The following TRIP11 variants were observed in gnomAD, a reference collection of about 807,000 sequenced individuals.
TRIP11 encodes thyroid hormone receptor interactor 11.
TRIP11 carries 148 observed loss-of-function variants against 223.1 expected under a neutral mutation model. The observed-to-expected ratio is 0.66, with a 90% CI of 0.58 to 0.76. The LOEUF (loss-of-function observed/expected upper bound fraction) is 0.76. Among genes scored for constraint, TRIP11 ranks in the 30% least tolerant of loss-of-function variants. The pLI, the probability that TRIP11 is intolerant of heterozygous loss-of-function variation, is 0.00. For synonymous variants in TRIP11, 762 were observed against 772.6 expected (o/e 0.99, Z 0.23); for missense variants, 2,043 against 2,222.0 (o/e 0.92, Z 1.62).
At chr14:91,992,775 GGC>G in intron 15 of TRIP11, among the ~76,000 whole-genome samples, 1 of 151,784 alleles carries the variant, frequency 6.6e-6, no homozygotes, top group Non-Finnish European at 1.5e-5. Flanking sequence ...CGGGTGTGGT[GGC>G]GGGCACCTGT....
rs757263242 is a variant in TRIP11 at position 92,003,768 on chromosome 14, T to C, written c.4208A>G (p.Asp1403Gly). The C allele has an allele frequency of 6.2e-7, 1 of 1,614,200 alleles. No individual in the cohort carries two copies. Among genetic ancestry groups the C allele is most frequent in the Non-Finnish European group, 8.5e-7 (1 of 1,180,036 alleles). Residue 1403 changes from aspartate (D) to glycine (G), a missense_variant, in exon 11 of 21, where the codon GAT becomes GGT. Coordinates refer to ENST00000267622, the MANE Select transcript of TRIP11 (RefSeq NM_004239.4). Reference sequence around the variant, plus strand: ...TTCCTTAAGTAACTTTTGCAAAACATCTTGTTTCTCCTTTAGCTGCTTGAT... The same window carrying C: ...TTCCTTAAGTAACTTTTGCAAAACACCTTGTTTCTCCTTTAGCTGCTTGAT... ...SEIKQLKEKQ[D>G]VLQKLLKEKD... is the part of the protein sequence containing the mutation.
Position 92,003,908 on chromosome 14 carries a change from T to C in TRIP11, c.4068A>G (p.Leu1356=). The part of the protein sequence containing the change: ...QQELEELRKS[L]QEKDATIRTL... The stretch of plus-strand genomic sequence containing the variant: ...TTCTAATTGTTGCATCTTTTTCCTG[T>C]AGTGATTTTCTTAGCTCTTCTAACT... The change falls in exon 11 of 21, where the codon CTA becomes CTG. Residue 1356 remains leucine (L), a synonymous_variant. Coordinates refer to ENST00000267622, the MANE Select transcript of TRIP11 (RefSeq NM_004239.4). 1 of 1,614,122 alleles carries C rather than the reference T, an allele frequency of 6.2e-7. No individual in the cohort carries two copies. The highest frequency in any genetic ancestry group is 8.5e-7 in the Non-Finnish European group (1 of 1,180,040).
intron 5 of TRIP11, 68 bp from the exon 6 acceptor site, chr14:92,015,929 T>A: frequency 7.0e-7 from 1 of 1,424,024 alleles, no homozygotes; most frequent in African/African-American, 1.4e-5. Context: ...TATATTTAAC[T>A]GTTGTCCAAA....
At chr14:92,038,657 A>G (rs925844755) in intron 1 of TRIP11, among the ~76,000 whole-genome samples, 2 of 152,180 alleles carry the variant, frequency 1.3e-5, no homozygotes, top group African/African-American at 4.8e-5. Context: ...CAGAATACTA[A>G]TTTATTAAAT....
chr14:91,994,591 G>A (rs1334345740), intron 14 of TRIP11, among the ~76,000 whole-genome samples: 3 of 152,178 alleles, frequency 2.0e-5, no homozygotes, highest in Admixed American at 2.0e-4. Flanking sequence ...AAGTAACACA[G>A]AGGTACAAAT....
In TRIP11 at chr14:91,975,287, C is replaced by G. The variant is rs754936373; in HGVS notation, c.5343-1G>C. On this transcript the variant is annotated splice_acceptor_variant, in intron 17 of 20. Coordinates refer to ENST00000267622, the MANE Select transcript of TRIP11 (RefSeq NM_004239.4). LOFTEE classifies it high-confidence loss of function. ...AATGAAGAGGTTTCTCATTAGGACT[C>G]TATGAAAATAAAGGCAGAAACAGCT... 2 of 1,611,204 alleles carry G rather than the reference C, an allele frequency of 1.2e-6. No individual in the cohort carries two copies. The highest frequency in any genetic ancestry group is 1.7e-6 in the Non-Finnish European group (2 of 1,177,904).
Position 91,972,878 on chromosome 14 carries a change from T to A in TRIP11, c.5575-17A>T, listed in dbSNP as rs1299083011. Reference sequence around the variant, plus strand: ...TGAAAAAGACTAAGAAAAAATATTTTGGTTATATTAGGCTAGATAATTAAG... The same window carrying A: ...TGAAAAAGACTAAGAAAAAATATTTAGGTTATATTAGGCTAGATAATTAAG... On this transcript the variant is annotated splice_polypyrimidine_tract_variant and intron_variant, in intron 19 of 20. Transcript: ENST00000267622. 6.2e-7 allele frequency: 1 copy of A among 1,600,778 alleles called. No individual in the cohort carries two copies.
chr14:91,993,939 G>C (rs1383631326), intron 14 of TRIP11, 27 bp from the exon 15 acceptor site: 1 of 1,556,918 alleles, frequency 6.4e-7, no homozygotes, highest in Non-Finnish European at 8.8e-7. Context: ...GTTAACATTA[G>C]TATTTTGCAA....
At chr14:91,982,477 G>C (rs75895979) in intron 16 of TRIP11, among the ~76,000 whole-genome samples, 3,038 of 152,078 alleles carry the variant, frequency 0.02, 113 homozygotes, top group African/African-American at 0.071. Flanking sequence ...AAGGGAGAGG[G>C]GGAGAAGGGC....
At chr14:92,012,866 A>G (rs1444321944) in intron 7 of TRIP11, among the ~76,000 whole-genome samples, 1 of 152,224 alleles carries the variant, frequency 6.6e-6, no homozygotes, top group African/African-American at 2.4e-5. Context: ...AGGCAGCTAT[A>G]AAGTACTAAA....
At chr14:92,020,411 A>G (rs1026534612) in intron 4 of TRIP11, among the ~76,000 whole-genome samples, 2 of 152,172 alleles carry the variant, frequency 1.3e-5, no homozygotes, top group East Asian at 1.9e-4. Flanking sequence ...AGCCCCAAAT[A>G]GCAAAATATT....
intron 15 of TRIP11, among the ~76,000 whole-genome samples, chr14:91,992,747 A>G (rs2056691281): frequency 6.6e-6 from 1 of 151,738 alleles, no homozygotes; most frequent in Admixed American, 6.6e-5. Flanking sequence ...GTCTCTACTA[A>G]AAATACAAAA....
Position 92,039,618 on chromosome 14 carries a change from A to T in TRIP11, c.68T>A (p.Leu23Gln), listed in dbSNP as rs747327807. The T allele has an allele frequency of 1.2e-6, 2 of 1,613,180 alleles. No homozygotes were observed. The highest frequency in any genetic ancestry group is 1.6e-4 in the Middle Eastern group (1 of 6,062). ...GQSLGQVGGS[L>Q]ASLTGQISNF... The stretch of plus-strand genomic sequence containing the variant: ...TGATATCTGGCCAGTGAGGGAAGCC[A>T]GGCTGCCCCCGACTTGACCCAGAGA... Residue 23 changes from leucine to glutamine, a missense_variant, in exon 1 of 21, where the codon CTG becomes CAG. Transcript: ENST00000267622.
At position 92,007,818 on chromosome 14, in the gene TRIP11, T is replaced by A; in HGVS notation, c.1349A>T (p.Asn450Ile). ...TGTACTTTTAATTACTTCATATTCA[T>A]TGTTCAATTTTAAAAGTGACATCTG... Reference protein sequence around the residue: ...ELQMSLLKLNNEYEVIKSTAT... With the variant: ...ELQMSLLKLNIEYEVIKSTAT... Residue 450 changes from asparagine to isoleucine, a missense_variant, in exon 10 of 21, where the codon AAT becomes ATT. By Grantham distance (149) the Asn-to-Ile change is moderately radical. Transcript: ENST00000267622. 1 of 1,612,384 alleles carries A rather than the reference T, an allele frequency of 6.2e-7. No homozygotes were observed. The highest frequency in any genetic ancestry group is 8.5e-7 in the Non-Finnish European group (1 of 1,179,334).
intron 13 of TRIP11, among the ~76,000 whole-genome samples, chr14:91,996,469 G>A (rs999980849): frequency 1.3e-5 from 2 of 152,166 alleles, no homozygotes; most frequent in African/African-American, 2.4e-5. Context: ...TTGAGCCCAG[G>A]AGCTTGAGGC....
At chr14:91,990,160 C>A (rs1184625124) in intron 15 of TRIP11, among the ~76,000 whole-genome samples, 1 of 148,786 alleles carries the variant, frequency 6.7e-6, no homozygotes, top group Non-Finnish European at 1.5e-5. Context: ...GGGGCTGAAA[C>A]CTGATTGATA....
At position 91,998,958 on chromosome 14, in the gene TRIP11, T is replaced by C. The variant is rs188602651; in HGVS notation, c.4892+282A>G. On this transcript the variant is annotated intron_variant, in intron 13 of 20. Coordinates refer to ENST00000267622, the MANE Select transcript of TRIP11 (RefSeq NM_004239.4). ...TAAAATCAGTCAGAATTTCAAACTA[T>C]ACTCCTAAAATGGTAAGAGGCAGTG... 6.6e-5 allele frequency among the ~76,000 whole-genome samples: 10 copies of C among 152,296 alleles called. No individual in the cohort carries two copies. In the East Asian group the frequency reaches 1.7e-3, roughly 26 times the overall value.
At chr14:92,025,997 G>A (rs528513112) in intron 2 of TRIP11, among the ~76,000 whole-genome samples, 23 of 152,162 alleles carry the variant, frequency 1.5e-4, no homozygotes, top group South Asian at 1.0e-3. Flanking sequence ...AAAAGGCCAC[G>A]AATCAATGTT....
chr14:92,036,946 T>C (rs920558805), intron 1 of TRIP11, among the ~76,000 whole-genome samples: 1 of 152,190 alleles, frequency 6.6e-6, no homozygotes, highest in South Asian at 2.1e-4. Flanking sequence ...CCCAGGCTAG[T>C]CCTCAACTCC....
Sources: allele counts gnomAD v4.1 joint callset (sites outside exome capture counted in the v4.1 genomes callset), GRCh38; gene constraint gnomAD v4.1.1; transcripts MANE v1.5; gene names NCBI Gene and HGNC (gene_info 2026-07-23, HGNC 2026-07-21).